The following IGDCC4 variants were observed in gnomAD, a reference collection of about 807,000 sequenced individuals.
IGDCC4 encodes the protein likely ortholog of mouse neighbor of Punc E11.
In IGDCC4, 72 loss-of-function variants were observed where a neutral mutation model predicts 116.6. That is an observed-to-expected ratio of 0.62 (90% CI 0.51 to 0.75). The LOEUF (loss-of-function observed/expected upper bound fraction) is 0.75, where lower values mean the gene tolerates loss of function less well. Among genes scored for constraint, IGDCC4 ranks in the 30% least tolerant of loss-of-function variants. The pLI is 0.00. For missense variants in IGDCC4, 1,501 were observed against 1,662.4 expected (o/e 0.90, Z 1.69); for synonymous variants, 709 against 719.9 (o/e 0.98, Z 0.24).
intron 1 of IGDCC4, among the ~76,000 whole-genome samples, chr15:65,412,588 T>C (rs1410184486): frequency 1.4e-5 from 2 of 142,948 alleles, no homozygotes; most frequent in Admixed American, 7.0e-5. Flanking sequence ...TTCCCTACCC[T>C]GGAACCTAAC....
intron 12 of IGDCC4, among the ~76,000 whole-genome samples, chr15:65,391,130 C>G (rs527761464): frequency 6.6e-6 from 1 of 151,988 alleles, no homozygotes; most frequent in African/African-American, 2.4e-5. Flanking sequence ...CTCAAGAGGC[C>G]GAGGCACAAG....
chr15:65,402,427 G>A lies in IGDCC4; in HGVS notation c.624C>T (p.Gly208=). Residue 208 remains glycine (G), a synonymous_variant, in exon 4 of 20, where the codon GGC becomes GGT. Transcript: ENST00000352385. ...QILDVQESDA[G]PYRCVATNSA... is the part of the protein sequence containing the mutation. ...AGTTGGTGGCCACGCAGCGGTAGGGGCCTGCATCACTCTCCTGAACATCCA... is the reference window on the plus strand; with the variant it reads ...AGTTGGTGGCCACGCAGCGGTAGGGACCTGCATCACTCTCCTGAACATCCA... The A allele has an allele frequency of 6.4e-7, 1 of 1,567,364 alleles. No individual in the cohort carries two copies. The highest frequency in any genetic ancestry group is 8.7e-7 in the Non-Finnish European group (1 of 1,155,276).
chr15:65,415,718 T>C (rs1267533312), intron 1 of IGDCC4, among the ~76,000 whole-genome samples: 1 of 152,146 alleles, frequency 6.6e-6, no homozygotes, highest in Non-Finnish European at 1.5e-5. Flanking sequence ...TGAACCAGCA[T>C]TGAGGAGACA....
At chr15:65,419,868 T>C (rs2063174699) in intron 1 of IGDCC4, among the ~76,000 whole-genome samples, 1 of 152,212 alleles carries the variant, frequency 6.6e-6, no homozygotes, top group African/African-American at 2.4e-5. Context: ...AAGAACAGTG[T>C]TGGGAGGAGA....
intron 15 of IGDCC4, 43 bp from the exon 16 acceptor site, chr15:65,388,629 G>T (rs1346695932): frequency 2.5e-6 from 4 of 1,612,508 alleles, no homozygotes; most frequent in Non-Finnish European, 2.5e-6. Context: ...GGTGGATGGG[G>T]TGGGTGGATG....
intron 13 of IGDCC4, 113 bp downstream of exon 13, chr15:65,390,042 C>G: frequency 1.1e-6 from 1 of 938,348 alleles, no homozygotes; most frequent in Non-Finnish European, 1.6e-6. Flanking sequence ...TGAGCCATGA[C>G]ATGTTCCTGA....
rs1282721788 is a variant in IGDCC4, at chr15:65,393,262, T to C, written c.1885+99A>G. 5 of 1,313,850 alleles carry C rather than the reference T, an allele frequency of 3.8e-6. No homozygotes were observed. Among genetic ancestry groups the C allele is most frequent in the Middle Eastern group, 2.7e-4 (1 of 3,692 alleles). The allele number at this position is 1,313,850 out of a possible 1,614,324, so 81.4% of individuals were successfully genotyped here. A position where few individuals can be genotyped will look rare whatever the true frequency, so the allele number is the denominator to read the frequency against. The stretch of plus-strand genomic sequence containing the variant: ...GGAGGGAGCCATGGAAGGTCTCTGA[T>C]GGAGGGCGGGGCCAGGGGGTGGGGC... On this transcript the variant is annotated intron_variant, in intron 10 of 19. Coordinates refer to ENST00000352385, the MANE Select transcript of IGDCC4 (RefSeq NM_020962.3). This position sits in a 1 kb window ranked among gnomAD's most constrained non-coding sequence, Gnocchi z 4.6.
chr15:65,383,908 A>G lies in IGDCC4; in HGVS notation c.*101T>C. 5 of 1,157,310 alleles carry G rather than the reference A, an allele frequency of 4.3e-6. No homozygotes were observed. The highest frequency in any genetic ancestry group is 5.9e-6 in the Non-Finnish European group (5 of 845,814). 71.7% of individuals were successfully genotyped at this position (1,157,310 alleles called of 1,614,324 possible). On this transcript the variant is annotated 3_prime_UTR_variant, in exon 20 of 20. Transcript: ENST00000352385. Reference sequence around the variant, plus strand: ...AACTTAGGAAGCTCCAAAGGGCTTGATGATGTATCTACAGGCACACATGTG... The same window carrying G: ...AACTTAGGAAGCTCCAAAGGGCTTGGTGATGTATCTACAGGCACACATGTG...
chr15:65,400,830 G>A lies in IGDCC4; in HGVS notation c.817C>T (p.Pro273Ser). Residue 273 changes from proline to serine, a missense_variant, in exon 5 of 20, where the codon CCT (proline) becomes TCT (serine). This residue lies in a region of IGDCC4 where 898 missense variants were observed against 978.9 expected (regional missense o/e 0.92). Transcript: ENST00000352385. ...MECVASADPT[P>S]FVSWVRQDGK... Reference sequence around the variant, plus strand: ...CCTTGTCGGACCCAGGACACAAAAGGGGTGGGGTCAGCTGAGGCCACACAT... The same window carrying A: ...CCTTGTCGGACCCAGGACACAAAAGAGGTGGGGTCAGCTGAGGCCACACAT... 2 of 1,611,346 alleles carry A rather than the reference G, an allele frequency of 1.2e-6. No individual in the cohort carries two copies. The highest frequency in any genetic ancestry group is 2.2e-5 in the South Asian group (2 of 90,750).
chr15:65,410,465 G>T, intron 2 of IGDCC4, 146 bp from the exon 3 acceptor site: 1 of 900,228 alleles, frequency 1.1e-6, no homozygotes, highest in Non-Finnish European at 1.7e-6. Flanking sequence ...GACCGAGGGA[G>T]ACACAACAAG....
At chr15:65,406,185 T>C (rs886473933) in intron 3 of IGDCC4, among the ~76,000 whole-genome samples, 5 of 152,272 alleles carry the variant, frequency 3.3e-5, no homozygotes, top group Non-Finnish European at 5.9e-5. Flanking sequence ...AGAAGTTACA[T>C]TATTTATTTT....
chr15:65,383,986 C>T lies in IGDCC4; in HGVS notation c.*23G>A. 2 of 1,550,002 alleles carry T rather than the reference C, an allele frequency of 1.3e-6. No individual in the cohort carries two copies. Among genetic ancestry groups the T allele is most frequent in the Non-Finnish European group, 1.7e-6 (2 of 1,143,630 alleles). ...CTATGTGATCCATACCTGCCTGCCCCAAACCACATCCTCTGGGAAGAGCTA... is the reference window on the plus strand; with the variant it reads ...CTATGTGATCCATACCTGCCTGCCCTAAACCACATCCTCTGGGAAGAGCTA... On this transcript the variant is annotated 3_prime_UTR_variant, in exon 20 of 20. Transcript: ENST00000352385.
chr15:65,385,600 G>A, intron 18 of IGDCC4: 2 of 618,030 alleles, frequency 3.2e-6, no homozygotes, highest in Non-Finnish European at 5.8e-6. Context: ...TGGGTCACCT[G>A]CTGGGAGGCC....
At chr15:65,395,415 C>T (rs187104178) in intron 7 of IGDCC4, among the ~76,000 whole-genome samples, 157 bp from the exon 8 acceptor site, 11 of 152,252 alleles carry the variant, frequency 7.2e-5, no homozygotes, top group African/African-American at 2.6e-4. Context: ...CCTCAGCTTC[C>T]TGTCTCAGTG....
chr15:65,420,206 C>G (rs574650275), intron 1 of IGDCC4, among the ~76,000 whole-genome samples: 18 of 152,222 alleles, frequency 1.2e-4, no homozygotes, highest in Non-Finnish European at 2.4e-4. Context: ...CTTGGCCTCC[C>G]AAAGTGCTGG....
chr15:65,395,372 TC>T, intron 7 of IGDCC4, 114 bp from the exon 8 acceptor site: 2 of 1,061,822 alleles, frequency 1.9e-6, no homozygotes, highest in Non-Finnish European at 2.7e-6. Flanking sequence ...AGCTAAATCA[TC>T]CCAGATAATC....
chr15:65,412,888 T>G (rs1008779819), intron 1 of IGDCC4, among the ~76,000 whole-genome samples: 1 of 151,932 alleles, frequency 6.6e-6, no homozygotes, highest in South Asian at 2.1e-4. Context: ...CAGAGTGAGA[T>G]CCTGTCTAAA....
intron 1 of IGDCC4, among the ~76,000 whole-genome samples, chr15:65,418,044 C>A (rs2063159843): frequency 6.6e-6 from 1 of 152,164 alleles, no homozygotes; most frequent in Non-Finnish European, 1.5e-5. Context: ...ATGAGTGAAC[C>A]CATGAAGACA....
intron 6 of IGDCC4, chr15:65,396,428 C>A: frequency 1.6e-6 from 1 of 641,398 alleles, no homozygotes. Flanking sequence ...CTAAATATTG[C>A]TCCTCCCGGA....
Sources: allele counts gnomAD v4.1 joint callset (sites outside exome capture counted in the v4.1 genomes callset), GRCh38; gene constraint gnomAD v4.1.1; regional missense constraint gnomAD v4.1.1; non-coding constraint Gnocchi (gnomAD v3.1); transcripts MANE v1.5; gene names NCBI Gene and HGNC (gene_info 2026-07-23, HGNC 2026-07-21).